Variants in GALNT17 observed in about 807,000 individuals in gnomAD.
GALNT17 encodes UDP-GalNAc:polypeptide N-acetylgalactosaminyltransferase-like 3.
In GALNT17, 29 loss-of-function variants were observed where a neutral mutation model predicts 63.7. That is an observed-to-expected ratio of 0.46 (90% CI 0.34 to 0.62). The LOEUF (loss-of-function observed/expected upper bound fraction) is 0.62, where lower values mean the gene tolerates loss of function less well. GALNT17 is among the 20% of genes least tolerant of loss of function. The pLI is 0.01. For missense variants in GALNT17, 603 were observed against 799.6 expected, an observed-to-expected ratio of 0.75 and a Z score of 2.97; for synonymous variants, 305 against 318.3, an observed-to-expected ratio of 0.96 and a Z score of 0.45.
At chr7:71,501,566 C>T (rs1360968960) in intron 5 of GALNT17, among the ~76,000 whole-genome samples, 1 of 152,126 alleles carries the variant, frequency 6.6e-6, no homozygotes, top group Non-Finnish European at 1.5e-5. Context: ...TCATGGCTTC[C>T]CTCCTCTGTC....
At chr7:71,140,253 G>C (rs1266489744) in intron 1 of GALNT17, among the ~76,000 whole-genome samples, 1 of 152,194 alleles carries the variant, frequency 6.6e-6, no homozygotes, top group East Asian at 1.9e-4. Context: ...GCTGCACGCA[G>C]ACATTCCACA....
At chr7:71,596,724 A>G (rs1477676560) in intron 6 of GALNT17, among the ~76,000 whole-genome samples, 1 of 152,082 alleles carries the variant, frequency 6.6e-6, no homozygotes, top group East Asian at 1.9e-4. Context: ...TGAAACACTC[A>G]CTGTGACTAT....
At chr7:71,177,725 T>C (rs1788664743) in intron 1 of GALNT17, among the ~76,000 whole-genome samples, 1 of 152,210 alleles carries the variant, frequency 6.6e-6, no homozygotes, top group Non-Finnish European at 1.5e-5. Context: ...ACCAACGAGT[T>C]GCTCATATGA....
chr7:71,700,967 C>A (rs1184838452), intron 9 of GALNT17, among the ~76,000 whole-genome samples: 1 of 152,152 alleles, frequency 6.6e-6, no homozygotes, highest in Non-Finnish European at 1.5e-5. Context: ...CTTCTAAGAG[C>A]TAGAGATAGA....
At chr7:71,221,054 G>C (rs2116420039) in intron 1 of GALNT17, among the ~76,000 whole-genome samples, 1 of 152,266 alleles carries the variant, frequency 6.6e-6, no homozygotes, top group Admixed American at 6.5e-5. Flanking sequence ...CCTCATGAAG[G>C]AGCTCAGGAC....
chr7:71,331,571 G>A (rs1563008924), intron 1 of GALNT17, among the ~76,000 whole-genome samples: 1 of 152,144 alleles, frequency 6.6e-6, no homozygotes, highest in East Asian at 1.9e-4. Flanking sequence ...AATTAGCTAG[G>A]TTAGTGTCAC....
chr7:71,645,355 A>G (rs190960438), intron 6 of GALNT17, among the ~76,000 whole-genome samples: 31 of 152,258 alleles, frequency 2.0e-4, no homozygotes, highest in Non-Finnish European at 3.8e-4. Context: ...AGTTTCCCCC[A>G]TGTTGTTATT....
chr7:71,686,224 G>C (rs1317662750), intron 9 of GALNT17, among the ~76,000 whole-genome samples: 1 of 152,020 alleles, frequency 6.6e-6, no homozygotes, highest in African/African-American at 2.4e-5. Context: ...CAAAGTTCTG[G>C]AATTACAGGC....
intron 1 of GALNT17, among the ~76,000 whole-genome samples, chr7:71,192,872 T>C (rs968359960): frequency 6.6e-6 from 1 of 152,148 alleles, no homozygotes; most frequent in East Asian, 1.9e-4. Context: ...CATGCTTCCT[T>C]GAATACTTCT....
chr7:71,658,972 A>C (rs56186158), intron 6 of GALNT17, among the ~76,000 whole-genome samples: 14,813 of 152,172 alleles, frequency 0.097, 793 homozygotes, highest in Middle Eastern at 0.15. Flanking sequence ...CCTGCAAAAT[A>C]GCAAAGCATT....
At chr7:71,265,118 A>ATTTTTT (rs60738546) in intron 1 of GALNT17, among the ~76,000 whole-genome samples, 16 of 37,446 alleles carry the variant, frequency 4.3e-4, no homozygotes, top group African/African-American at 6.2e-4. Flanking sequence ...ATATATATAT[A>ATTTTTT]TTTTTTTTTT....
intron 6 of GALNT17, among the ~76,000 whole-genome samples, chr7:71,662,900 G>A (rs940161789): frequency 6.6e-6 from 1 of 152,154 alleles, no homozygotes; most frequent in Non-Finnish European, 1.5e-5. Flanking sequence ...TATGGTGTGA[G>A]GTAGGAGCCA....
intron 6 of GALNT17, among the ~76,000 whole-genome samples, chr7:71,653,687 A>T (rs1459991902): frequency 6.6e-6 from 1 of 152,188 alleles, no homozygotes; most frequent in Admixed American, 6.5e-5. Context: ...GATTACAGAC[A>T]TGAGCCACCA....
intron 6 of GALNT17, among the ~76,000 whole-genome samples, chr7:71,626,365 T>A (rs1416410822): frequency 6.6e-6 from 1 of 152,176 alleles, no homozygotes; most frequent in Non-Finnish European, 1.5e-5. Context: ...TGTGGATACC[T>A]TGATCTCAGC....
At chr7:71,570,873 G>C (rs959065239) in intron 5 of GALNT17, among the ~76,000 whole-genome samples, 9 of 152,136 alleles carry the variant, frequency 5.9e-5, no homozygotes, top group African/African-American at 2.2e-4. Flanking sequence ...AGCTACTCAG[G>C]GGGTTGAGGC....
chr7:71,167,418 A>G (rs193132622), intron 1 of GALNT17, among the ~76,000 whole-genome samples: 5 of 152,032 alleles, frequency 3.3e-5, no homozygotes, highest in Admixed American at 3.3e-4. Flanking sequence ...CGTTCAAATC[A>G]TTGCCCATTT....
intron 2 of GALNT17, among the ~76,000 whole-genome samples, chr7:71,354,459 G>C (rs1276132306): frequency 6.6e-6 from 1 of 152,056 alleles, no homozygotes; most frequent in African/African-American, 2.4e-5. Flanking sequence ...ACTCATTTCA[G>C]TTTTTTCAGT....
chr7:71,461,916 A>T (rs1787457696), intron 5 of GALNT17, among the ~76,000 whole-genome samples: 1 of 152,198 alleles, frequency 6.6e-6, no homozygotes, highest in African/African-American at 2.4e-5. Flanking sequence ...GCAGGACATG[A>T]TGCCTATCTT....
rs183827315 is a variant in GALNT17, at chr7:71,304,897, C to G, written c.239-30653C>G. 3.3e-3 allele frequency among the ~76,000 whole-genome samples: 499 copies of G among 152,278 alleles called. 1 individual carries two copies. Among genetic ancestry groups the G allele is most frequent in the Non-Finnish European group, 5.6e-3 (378 of 68,010 alleles). ...TAGCTGGGATTACAGGTGCCCGCCACCATGCCTGACTAATTTTTTGTATTT... is the reference window on the plus strand; with the variant it reads ...TAGCTGGGATTACAGGTGCCCGCCAGCATGCCTGACTAATTTTTTGTATTT... On this transcript the variant is annotated intron_variant, in intron 1 of 10. Coordinates refer to ENST00000333538, the MANE Select transcript of GALNT17 (RefSeq NM_022479.3).
Sources: gnomAD v4.1 joint callset for allele counts (sites outside exome capture counted in the v4.1 genomes callset) on GRCh38, gnomAD v4.1.1 for gene constraint, MANE v1.5 for transcripts, NCBI Gene and HGNC (gene_info 2026-07-23, HGNC 2026-07-21) for gene names.